ST6GALNAC3: variants seen among roughly 807,000 people sequenced by gnomAD.
The protein encoded by ST6GALNAC3 is alpha-N-acetylgalactosaminide alpha-2,6-sialyltransferase 3.
ST6GALNAC3 carries 25 observed loss-of-function variants against 32.7 expected under a neutral mutation model. The ratio of observed to expected loss-of-function variants is 0.76; its 90% CI spans 0.56 to 1.07. ST6GALNAC3 has a LOEUF of 1.07. ST6GALNAC3 is among the 50% of genes least tolerant of loss of function. The probability of loss-of-function intolerance (pLI) is 0.00; values close to 1 mark genes in which losing one functional copy is unlikely to be tolerated. For missense variants in ST6GALNAC3, 355 were observed against 382.4 expected, an observed-to-expected ratio of 0.93 and a Z score of 0.60; for synonymous variants, 129 against 133.1, an observed-to-expected ratio of 0.97 and a Z score of 0.21.
intron 1 of ST6GALNAC3, among the ~76,000 whole-genome samples, chr1:76,200,185 G>A (rs1654439337): frequency 6.6e-6 from 1 of 152,160 alleles, no homozygotes; most frequent in South Asian, 2.1e-4. Flanking sequence ...AAGTTATTCT[G>A]ATCAGCACCT....
intron 1 of ST6GALNAC3, among the ~76,000 whole-genome samples, chr1:76,196,757 C>G (rs1345409781): frequency 6.6e-6 from 1 of 152,174 alleles, no homozygotes; most frequent in Non-Finnish European, 1.5e-5. Flanking sequence ...GCCACTGTAC[C>G]TGGCCTCTCA....
At chr1:76,161,396 A>G (rs1651797345) in intron 1 of ST6GALNAC3, among the ~76,000 whole-genome samples, 1 of 152,358 alleles carries the variant, frequency 6.6e-6, no homozygotes, top group African/African-American at 2.4e-5. Context: ...TAAGCGGCAG[A>G]GAGCGGCAGC....
intron 1 of ST6GALNAC3, among the ~76,000 whole-genome samples, chr1:76,137,055 G>T (rs556084657): frequency 2.6e-5 from 4 of 152,298 alleles, no homozygotes; most frequent in African/African-American, 9.6e-5. Flanking sequence ...ATATTACAGA[G>T]CCAGGAAGTA....
chr1:76,393,472 T>G (rs1341207859), intron 2 of ST6GALNAC3, among the ~76,000 whole-genome samples: 4 of 152,186 alleles, frequency 2.6e-5, no homozygotes, highest in African/African-American at 9.6e-5. Context: ...GCCTTAGTTC[T>G]GTGTATCCTT....
At chr1:76,091,317 T>C (rs1052298122) in intron 1 of ST6GALNAC3, among the ~76,000 whole-genome samples, 1 of 152,258 alleles carries the variant, frequency 6.6e-6, no homozygotes, top group Non-Finnish European at 1.5e-5. Flanking sequence ...TAAATTTAAA[T>C]GTAACCTTTT....
intron 1 of ST6GALNAC3, among the ~76,000 whole-genome samples, chr1:76,226,890 A>T (rs1042413961): frequency 1.3e-5 from 2 of 152,192 alleles, no homozygotes; most frequent in African/African-American, 2.4e-5. Context: ...AGGTGGGGAC[A>T]CTGATTGAAA....
intron 2 of ST6GALNAC3, among the ~76,000 whole-genome samples, chr1:76,358,693 G>C (rs1333096647): frequency 6.6e-6 from 1 of 152,028 alleles, no homozygotes; most frequent in Non-Finnish European, 1.5e-5. Context: ...ATTTCCCTGG[G>C]TAAGAGTCTC....
At chr1:76,577,858 T>C (rs1316039918) in intron 3 of ST6GALNAC3, among the ~76,000 whole-genome samples, 1 of 152,052 alleles carries the variant, frequency 6.6e-6, no homozygotes, top group Admixed American at 6.6e-5. Flanking sequence ...TAAATTTATC[T>C]CCTATAAAAT....
chr1:76,245,419 G>C (rs1279406237), intron 1 of ST6GALNAC3, among the ~76,000 whole-genome samples: 1 of 151,656 alleles, frequency 6.6e-6, no homozygotes, highest in East Asian at 1.9e-4. Context: ...TTTTTTGTAG[G>C]TCTATCTCCT....
chr1:76,471,163 A>G (rs893421979), intron 3 of ST6GALNAC3, among the ~76,000 whole-genome samples: 1 of 152,108 alleles, frequency 6.6e-6, no homozygotes, highest in Non-Finnish European at 1.5e-5. Context: ...GACTGATTAC[A>G]TATCCTTGGA....
intron 1 of ST6GALNAC3, among the ~76,000 whole-genome samples, chr1:76,150,878 T>A (rs1484934745): frequency 6.6e-6 from 1 of 152,160 alleles, no homozygotes; most frequent in Non-Finnish European, 1.5e-5. Context: ...GCAAGCCTAT[T>A]TCTGCCAAGC....
rs531091667 is a variant in ST6GALNAC3 at position 76,533,617 on chromosome 1, C to T, written c.624-93835C>T. Among the ~76,000 whole-genome samples, 360 of 152,258 alleles carry T rather than the reference C, an allele frequency of 2.4e-3. 1 individual carries two copies. Among genetic ancestry groups the T allele is most frequent in the African/African-American group, 8.3e-3 (346 of 41,548 alleles). On this transcript the variant is annotated intron_variant, in intron 3 of 4. Coordinates refer to ENST00000328299, the MANE Select transcript of ST6GALNAC3 (RefSeq NM_152996.4). ...CTTCCATTCCCTCCACTGCACCTTT[C>T]CCTCCAGGCAGAACAGGTCTCTGCC...
rs115521241 is a variant in ST6GALNAC3, at chr1:76,525,595, T to C, written c.624-101857T>C. Among the ~76,000 whole-genome samples, 215 of 151,632 alleles carry C rather than the reference T, an allele frequency of 1.4e-3. 2 individuals carry two copies. The highest frequency in any genetic ancestry group is 5.0e-3 in the African/African-American group (207 of 41,460). On this transcript the variant is annotated intron_variant, in intron 3 of 4. Coordinates refer to ENST00000328299, the MANE Select transcript of ST6GALNAC3 (RefSeq NM_152996.4). ...GGAGAGAATCTTAATCTAGTATCTT[T>C]CTCACTACTGGTACAAGAGGCACCA...
At chr1:76,377,586 C>T (rs1651340096) in intron 2 of ST6GALNAC3, among the ~76,000 whole-genome samples, 2 of 152,240 alleles carry the variant, frequency 1.3e-5, no homozygotes, top group South Asian at 4.1e-4. Flanking sequence ...CCCACCAGGT[C>T]CCCCCTCCAA....
At chr1:76,529,925 C>T (rs925065692) in intron 3 of ST6GALNAC3, among the ~76,000 whole-genome samples, 4 of 152,196 alleles carry the variant, frequency 2.6e-5, no homozygotes, top group African/African-American at 9.7e-5. Context: ...CAGTTCCTCA[C>T]ATGCAGTGAT....
chr1:76,607,439 A>G (rs922067980), intron 3 of ST6GALNAC3, among the ~76,000 whole-genome samples: 2 of 152,122 alleles, frequency 1.3e-5, no homozygotes, highest in African/African-American at 4.8e-5. Flanking sequence ...GTAATCATAT[A>G]ATTGGTTCCC....
intron 3 of ST6GALNAC3, among the ~76,000 whole-genome samples, chr1:76,578,199 A>G (rs1646839317): frequency 6.6e-6 from 1 of 152,074 alleles, no homozygotes; most frequent in East Asian, 1.9e-4. Context: ...ACATTTGCCA[A>G]CCATAAAATC....
intron 1 of ST6GALNAC3, among the ~76,000 whole-genome samples, chr1:76,268,142 G>A (rs1233860534): frequency 2.0e-5 from 3 of 152,144 alleles, no homozygotes; most frequent in Non-Finnish European, 4.4e-5. Context: ...ATACAGATAA[G>A]ATATTGAACT....
intron 3 of ST6GALNAC3, among the ~76,000 whole-genome samples, chr1:76,507,623 A>C (rs973555684): frequency 2.0e-5 from 3 of 152,182 alleles, no homozygotes; most frequent in African/African-American, 7.2e-5. Context: ...TTTTATGGCT[A>C]AGTTATACTC....
Sources: allele counts gnomAD v4.1 joint callset (sites outside exome capture counted in the v4.1 genomes callset), GRCh38; gene constraint gnomAD v4.1.1; transcripts MANE v1.5; gene names NCBI Gene and HGNC (gene_info 2026-07-23, HGNC 2026-07-21).